RMDN2: variants seen among roughly 807,000 people sequenced by gnomAD.
The protein encoded by RMDN2 is regulator of microtubule dynamics protein 2.
RMDN2 carries 61 observed loss-of-function variants against 52.8 expected under a neutral mutation model. That is an observed-to-expected ratio of 1.16 (90% CI 0.94 to 1.43). The LOEUF (loss-of-function observed/expected upper bound fraction) is 1.43. Among genes scored for constraint, RMDN2 ranks in the 40% most tolerant of loss-of-function variants. The probability of loss-of-function intolerance (pLI) is 0.00; values close to 1 mark genes in which losing one functional copy is unlikely to be tolerated. For synonymous variants in RMDN2, 180 were observed against 153.1 expected (o/e 1.18, Z -1.30); for missense variants, 592 against 475.3 (o/e 1.25, Z -2.28).
At chr2:37,977,342 A>T (rs1672618162) in intron 4 of RMDN2, among the ~76,000 whole-genome samples, 1 of 152,180 alleles carries the variant, frequency 6.6e-6, no homozygotes. Context: ...CCCGTTCTCA[A>T]CGAGCTGTTG....
intron 7 of RMDN2, among the ~76,000 whole-genome samples, chr2:37,993,890 A>T (rs1011368788): frequency 9.2e-5 from 14 of 152,178 alleles, no homozygotes; most frequent in Non-Finnish European, 2.1e-4. Flanking sequence ...TAAGATTTAA[A>T]AGCCGTTTAC....
chr2:38,038,118 T>C (rs1558578687), intron 10 of RMDN2, among the ~76,000 whole-genome samples: 1 of 151,820 alleles, frequency 6.6e-6, no homozygotes, highest in Non-Finnish European at 1.5e-5. Flanking sequence ...TCCTTCCCCA[T>C]CTAAACCACA....
In RMDN2 at chr2:38,017,428, T is replaced by C. The variant is rs919598491; in HGVS notation, c.*189T>C. Reference sequence around the variant, plus strand: ...AATTAATTATGTTATTTGGAGAATCTATATACTATAATGTCAATACATAAT... The same window carrying C: ...AATTAATTATGTTATTTGGAGAATCCATATACTATAATGTCAATACATAAT... On this transcript the variant is annotated 3_prime_UTR_variant, in exon 11 of 11. Transcript: ENST00000354545. The C allele has an allele frequency of 4.9e-5, 62 of 1,265,176 alleles. No homozygotes were observed. Among genetic ancestry groups the C allele is most frequent in the Non-Finnish European group, 6.2e-5 (60 of 964,400 alleles). The allele number at this position is 1,265,176 out of a possible 1,614,324, so 78.4% of individuals were successfully genotyped here.
rs149778538 is a variant in RMDN2, at chr2:37,951,134, G to A, written c.452+21405G>A. On this transcript the variant is annotated intron_variant, in intron 2 of 10. Transcript: ENST00000354545. ...ATTAGTATGGAAACAATACCAATTGGTGGACACCAAAAGGTGGATATTATT... is the reference window on the plus strand; with the variant it reads ...ATTAGTATGGAAACAATACCAATTGATGGACACCAAAAGGTGGATATTATT... 6.4e-4 allele frequency: 738 copies of A among 1,151,630 alleles called. 4 individuals are homozygous for A. In the African/African-American group the frequency reaches 9.5e-3, roughly 15 times the overall value. The allele number at this position is 1,151,630 out of a possible 1,614,324, so 71.3% of individuals were successfully genotyped here. A position where few individuals can be genotyped will look rare whatever the true frequency, so the allele number is the denominator to read the frequency against.
At chr2:38,003,569 T>TAGATAGAC (rs1249837966) in intron 8 of RMDN2, among the ~76,000 whole-genome samples, 3 of 150,652 alleles carry the variant, frequency 2.0e-5, no homozygotes, top group East Asian at 2.0e-4. Flanking sequence ...GATAGATAGA[T>TAGATAGAC]AGATAGATAG....
intron 9 of RMDN2, 40 bp from the exon 10 acceptor site, chr2:38,004,096 A>G (rs1287946654): frequency 2.5e-6 from 4 of 1,607,668 alleles, no homozygotes; most frequent in Non-Finnish European, 3.4e-6. Flanking sequence ...TATCGCATAA[A>G]AACGGATTAT....
downstream of RMDN2, among the ~76,000 whole-genome samples, chr2:38,021,052 C>T (rs1679329442): frequency 6.6e-6 from 1 of 152,144 alleles, no homozygotes; most frequent in Non-Finnish European, 1.5e-5. Flanking sequence ...GTATCTAGCT[C>T]AAGGTTTGTA....
At chr2:38,056,145 A>G (rs1681848249) in intron 10 of RMDN2, among the ~76,000 whole-genome samples, 1 of 152,180 alleles carries the variant, frequency 6.6e-6, no homozygotes, top group African/African-American at 2.4e-5. Context: ...GCACTGTGCC[A>G]GGCACCCGGG....
chr2:37,936,633 C>G (rs1002503620), intron 2 of RMDN2, among the ~76,000 whole-genome samples: 9 of 152,198 alleles, frequency 5.9e-5, no homozygotes, highest in Non-Finnish European at 1.3e-4. Context: ...TTGCACTTCT[C>G]CAATGAACAG....
chr2:37,982,211 A>AT (rs1486831588), intron 5 of RMDN2, among the ~76,000 whole-genome samples: 1 of 152,144 alleles, frequency 6.6e-6, no homozygotes, highest in Non-Finnish European at 1.5e-5. Flanking sequence ...CAGAAGACTC[A>AT]TTTTTGCCCC....
At chr2:38,004,841 CT>C (rs1676842817) in intron 10 of RMDN2, among the ~76,000 whole-genome samples, 1 of 151,794 alleles carries the variant, frequency 6.6e-6, no homozygotes, top group South Asian at 2.1e-4. Context: ...AATGCTATCC[CT>C]CCCCACTCCC....
At chr2:37,927,774 A>C (rs1227187259) in intron 1 of RMDN2, among the ~76,000 whole-genome samples, 1 of 152,190 alleles carries the variant, frequency 6.6e-6, no homozygotes, top group East Asian at 1.9e-4. Context: ...ATTTTTTTGC[A>C]ATAAGCTTTC....
downstream of RMDN2, among the ~76,000 whole-genome samples, chr2:38,020,794 C>T (rs951286924): frequency 6.6e-6 from 1 of 152,154 alleles, no homozygotes; most frequent in African/African-American, 2.4e-5. Flanking sequence ...GAACCTCCCC[C>T]GCCTCCTTGG....
Position 38,042,940 on chromosome 2 carries a change from T to A in RMDN2, c.1714-24042T>A, listed in dbSNP as rs1681053904. Among the ~76,000 whole-genome samples the A allele has an allele frequency of 3.3e-5, 5 of 152,328 alleles. No individual in the cohort carries two copies. The South Asian group carries it at 1.0e-3, about 32-fold the overall frequency. On this transcript the variant is annotated intron_variant, in intron 10 of 10. Transcript: ENST00000234195. ...GAGTGTGGTCTCTCTCAGTGAATGT[T>A]CCATGTGACCTAGAGAATAATGTGT...
chr2:37,960,988 T>C (rs1488943089), intron 2 of RMDN2, among the ~76,000 whole-genome samples: 2 of 152,182 alleles, frequency 1.3e-5, no homozygotes, highest in Non-Finnish European at 2.9e-5. Flanking sequence ...GGTTGAAAAT[T>C]CTTTTTTTAT....
chr2:38,022,863 A>T (rs1378486529), intron 10 of RMDN2, among the ~76,000 whole-genome samples: 1 of 152,226 alleles, frequency 6.6e-6, no homozygotes, highest in East Asian at 1.9e-4. Context: ...TTTACCAATA[A>T]ACAGTTTAAG....
chr2:38,023,575 G>A (rs749145768), intron 10 of RMDN2, among the ~76,000 whole-genome samples: 16 of 152,022 alleles, frequency 1.1e-4, no homozygotes, highest in Non-Finnish European at 2.4e-4. Flanking sequence ...TGATCTACTT[G>A]AACTGAGTGT....
At chr2:38,020,426 C>A (rs992744334), downstream of RMDN2, among the ~76,000 whole-genome samples, 2 of 152,218 alleles carry the variant, frequency 1.3e-5, no homozygotes, top group Non-Finnish European at 2.9e-5. Flanking sequence ...TTGAGGAGCC[C>A]TTCAGCCCAC....
chr2:37,965,574 A>G (rs1670930837), intron 2 of RMDN2, among the ~76,000 whole-genome samples: 1 of 152,272 alleles, frequency 6.6e-6, no homozygotes, highest in African/African-American at 2.4e-5. Flanking sequence ...TCATTAATCT[A>G]GAATCATTAA....
Sources: allele counts gnomAD v4.1 joint callset (sites outside exome capture counted in the v4.1 genomes callset), GRCh38; gene constraint gnomAD v4.1.1; transcripts MANE v1.5; gene names NCBI Gene and HGNC (gene_info 2026-07-23, HGNC 2026-07-21).